CASTOR2: variants seen among roughly 807,000 people sequenced by gnomAD.
The protein encoded by CASTOR2 is cytosolic arginine sensor for mTORC1 subunit 2.
CASTOR2 carries 8 observed loss-of-function variants against 31.2 expected under a neutral mutation model. The ratio of observed to expected loss-of-function variants is 0.26; its 90% CI spans 0.15 to 0.46. CASTOR2 has a LOEUF of 0.46. CASTOR2 is among the 20% of genes least tolerant of loss of function. The pLI, the probability that CASTOR2 is intolerant of heterozygous loss-of-function variation, is 0.99. For synonymous variants in CASTOR2, 162 were observed against 158.7 expected (o/e 1.02, Z -0.16); for missense variants, 216 against 382.1 (o/e 0.57, Z 3.62).
chr7:75,022,671 C>T (rs1019505363), intron 7 of CASTOR2, among the ~76,000 whole-genome samples: 12 of 152,078 alleles, frequency 7.9e-5, no homozygotes, highest in South Asian at 2.1e-4. Flanking sequence ...CAGTGGCGTG[C>T]GCCTGTAATC....
At chr7:75,016,998 C>T (rs1223189220) in intron 2 of CASTOR2, among the ~76,000 whole-genome samples, 1 of 152,152 alleles carries the variant, frequency 6.6e-6, no homozygotes, top group African/African-American at 2.4e-5. Flanking sequence ...AAAATGCCAT[C>T]TCTACTAAAA....
At position 75,030,456 on chromosome 7, in the gene CASTOR2, C is replaced by T. The variant is rs1805270762; in HGVS notation, c.*5757C>T. On this transcript the variant is annotated 3_prime_UTR_variant, in exon 9 of 9. Coordinates refer to ENST00000616305, the MANE Select transcript of CASTOR2 (RefSeq NM_001145064.3). ...TCTCTGGTAGGACGGCCTCACCCCACTTGTCAGAACTACTCTGGAGGGGGG... is the reference window on the plus strand; with the variant it reads ...TCTCTGGTAGGACGGCCTCACCCCATTTGTCAGAACTACTCTGGAGGGGGG... 6.6e-6 allele frequency among the ~76,000 whole-genome samples: 1 copy of T among 152,180 alleles called. No individual in the cohort carries two copies. Among genetic ancestry groups the T allele is most frequent in the Non-Finnish European group, 1.5e-5 (1 of 68,032 alleles).
chr7:75,017,935 G>A lies in CASTOR2; in HGVS notation c.379-55G>A, dbSNP rs1804904098. The A allele has an allele frequency of 4.3e-6, 7 of 1,613,812 alleles. No individual in the cohort carries two copies. In the South Asian group the frequency reaches 7.7e-5, roughly 18 times the overall value. On this transcript the variant is annotated intron_variant, in intron 3 of 8. Coordinates refer to ENST00000616305, the MANE Select transcript of CASTOR2 (RefSeq NM_001145064.3). ...CTCAGGGTGAGAGGTCGGTGCCCCA[G>A]ACCCACATCCCCCAGGGCCACCAGG...
chr7:75,023,459 TTTTTCTTTTTG>T (rs1805054393), intron 7 of CASTOR2, among the ~76,000 whole-genome samples: 1 of 135,112 alleles, frequency 7.4e-6, no homozygotes, highest in African/African-American at 2.7e-5. Context: ...TAGCATTTTT[TTTTTCTTTTTG>T]TTTTTTGTTT....
intron 2 of CASTOR2, among the ~76,000 whole-genome samples, chr7:75,009,951 G>A (rs1304144711): frequency 6.7e-6 from 1 of 149,852 alleles, no homozygotes; most frequent in Non-Finnish European, 1.5e-5. Context: ...GAGTACAGTG[G>A]CTAATCACAG....
chr7:74,993,815 A>C (rs1804271376), intron 1 of CASTOR2, among the ~76,000 whole-genome samples: 1 of 151,886 alleles, frequency 6.6e-6, no homozygotes, highest in African/African-American at 2.4e-5. Context: ...AAAAAAAAAA[A>C]AACACTTGTA....
rs587723717 is a variant in CASTOR2, at chr7:74,990,320, G to T, written c.114-17674G>T. The stretch of plus-strand genomic sequence containing the variant: ...GGAGAATGGAGTGAACCCGGGAGGT[G>T]GAGCTTGCAGTGAGCCGAGATTGCG... On this transcript the variant is annotated intron_variant, in intron 1 of 8. Transcript: ENST00000616305. 9.6e-3 allele frequency among the ~76,000 whole-genome samples: 1,453 copies of T among 151,138 alleles called. 10 individuals are homozygous for T. The highest frequency in any genetic ancestry group is 0.014 in the Non-Finnish European group (944 of 67,764).
rs1385330076 is a variant in CASTOR2 at position 75,024,846 on chromosome 7, C to G, written c.*147C>G. 3 of 1,541,188 alleles carry G rather than the reference C, an allele frequency of 1.9e-6. No individual in the cohort carries two copies. In the African/African-American group the frequency reaches 4.1e-5, roughly 21 times the overall value. ...GTGGGAGACTCCCTCGATTGCCAAT[C>G]CCTCCAGGGCAGGGGCCCACGCCAA... On this transcript the variant is annotated 3_prime_UTR_variant, in exon 9 of 9. Coordinates refer to ENST00000616305, the MANE Select transcript of CASTOR2 (RefSeq NM_001145064.3).
Position 75,028,820 on chromosome 7 carries a change from G to A in CASTOR2, c.*4121G>A, listed in dbSNP as rs927951280. 8.4e-4 allele frequency among the ~76,000 whole-genome samples: 128 copies of A among 152,332 alleles called. No homozygotes were observed. The highest frequency in any genetic ancestry group is 2.9e-3 in the African/African-American group (122 of 41,588). ...TCAGCCCGAGGCATGCATCTGAGCT[G>A]GAGAGGCTTGCAGGCCTGACCCTGG... On this transcript the variant is annotated 3_prime_UTR_variant, in exon 9 of 9. Transcript: ENST00000616305.
intron 2 of CASTOR2, among the ~76,000 whole-genome samples, chr7:75,009,413 GCC>G (rs1804682140): frequency 1.3e-5 from 2 of 150,500 alleles, no homozygotes; most frequent in Non-Finnish European, 3.0e-5. Context: ...GACTACAGGC[GCC>G]CGCCACCACG....
intron 7 of CASTOR2, among the ~76,000 whole-genome samples, chr7:75,023,786 C>T (rs1263207321): frequency 6.6e-6 from 1 of 152,174 alleles, no homozygotes; most frequent in Non-Finnish European, 1.5e-5. Flanking sequence ...GACTTACTGT[C>T]ACGAGAACAG....
intron 1 of CASTOR2, among the ~76,000 whole-genome samples, chr7:75,005,666 G>A (rs1804590665): frequency 6.6e-6 from 1 of 152,206 alleles, no homozygotes; most frequent in Non-Finnish European, 1.5e-5. Context: ...GGATAGCTGA[G>A]GCTGGGTGGT....
intron 7 of CASTOR2, among the ~76,000 whole-genome samples, chr7:75,023,295 G>A (rs1004055973): frequency 2.0e-4 from 31 of 151,934 alleles, no homozygotes; most frequent in African/African-American, 6.3e-4. Context: ...GCGACAGAGC[G>A]AGAGTCCACC....
intron 1 of CASTOR2, among the ~76,000 whole-genome samples, chr7:74,984,734 C>T (rs1416059170): frequency 1.3e-5 from 2 of 152,176 alleles, no homozygotes; most frequent in Non-Finnish European, 2.9e-5. Flanking sequence ...ATGTGACCTC[C>T]CCCATGTCTC....
rs1262511594 is a variant in CASTOR2, at chr7:75,002,964, T to C, written c.114-5030T>C. ...TTAGCTGGGTGTGGTGGTGTGCACC[T>C]GTAATCCCGGGTACTTGGGAGGCTA... On this transcript the variant is annotated intron_variant, in intron 1 of 8. Transcript: ENST00000616305. Among the ~76,000 whole-genome samples, 3 of 152,076 alleles carry C rather than the reference T, an allele frequency of 2.0e-5. No homozygotes were observed. In the South Asian group the frequency reaches 6.2e-4, roughly 32 times the overall value.
intron 1 of CASTOR2, among the ~76,000 whole-genome samples, chr7:74,999,078 C>T (rs1435814376): frequency 6.6e-6 from 1 of 152,112 alleles, no homozygotes; most frequent in Non-Finnish European, 1.5e-5. Context: ...TCACTGCAAG[C>T]TCCACCTCCT....
intron 1 of CASTOR2, among the ~76,000 whole-genome samples, chr7:74,976,884 ATCAAAAAAG>A (rs1803822783): frequency 7.3e-6 from 1 of 137,226 alleles, no homozygotes; most frequent in Non-Finnish European, 1.6e-5. Flanking sequence ...TCTCCCAGGG[ATCAAAAAAG>A]TCAGTTGTAG....
chr7:75,023,207 C>T (rs1284544670), intron 7 of CASTOR2, among the ~76,000 whole-genome samples: 1 of 152,000 alleles, frequency 6.6e-6, no homozygotes, highest in African/African-American at 2.4e-5. Flanking sequence ...ACTTGGGAGG[C>T]TGAGGCAGGA....
At chr7:75,021,546 G>T (rs1805000815) in intron 6 of CASTOR2, among the ~76,000 whole-genome samples, 1 of 152,184 alleles carries the variant, frequency 6.6e-6, no homozygotes, top group African/African-American at 2.4e-5. Context: ...GTGGGGATTT[G>T]AACCGCAGCC....
Sources: gnomAD v4.1 joint callset for allele counts (sites outside exome capture counted in the v4.1 genomes callset) on GRCh38, gnomAD v4.1.1 for gene constraint, MANE v1.5 for transcripts, NCBI Gene and HGNC (gene_info 2026-07-23, HGNC 2026-07-21) for gene names.